The following ANKRD13A variants were observed in gnomAD, a reference collection of about 807,000 sequenced individuals.
ANKRD13A encodes ankyrin repeat domain-containing protein 13A.
ANKRD13A carries 48 observed loss-of-function variants against 81.3 expected under a neutral mutation model. The observed-to-expected ratio is 0.59, with a 90% CI of 0.47 to 0.75. The LOEUF is 0.75. Ranked by LOEUF, ANKRD13A falls within the 30% of genes least tolerant of loss-of-function variation. The pLI is 0.00. For synonymous variants in ANKRD13A, 230 were observed against 270.1 expected, an observed-to-expected ratio of 0.85 and a Z score of 1.45; for missense variants, 612 against 734.0, an observed-to-expected ratio of 0.83 and a Z score of 1.92.
chr12:110,014,745 G>A (rs867309104), intron 3 of ANKRD13A, among the ~76,000 whole-genome samples: 3 of 151,358 alleles, frequency 2.0e-5, no homozygotes, highest in South Asian at 4.2e-4. Flanking sequence ...CCTTGCAAGT[G>A]TGTAGGAATA....
rs779314629 is a variant in ANKRD13A, at chr12:110,036,566, G to A, written c.1577+238G>A. Among the ~76,000 whole-genome samples, 3 of 152,088 alleles carry A rather than the reference G, an allele frequency of 2.0e-5. No individual in the cohort carries two copies. The highest frequency in any genetic ancestry group is 4.4e-5 in the Non-Finnish European group (3 of 68,022). On this transcript the variant is annotated intron_variant, in intron 14 of 14. Transcript: ENST00000261739. The surrounding 1 kb of genome is among the most constrained non-coding windows in gnomAD (Gnocchi z 4.6). ...AGATTGAGACCATCCTGGCTAACAC[G>A]GTGAAACCCTGTCTCTCCTAAAAAA...
At chr12:110,034,201 A>G (rs948815974) in intron 13 of ANKRD13A, among the ~76,000 whole-genome samples, 1 of 152,152 alleles carries the variant, frequency 6.6e-6, no homozygotes, top group African/African-American at 2.4e-5. Context: ...CCTTTTCCTC[A>G]TATTCACGCA....
intron 3 of ANKRD13A, among the ~76,000 whole-genome samples, chr12:110,013,783 T>A (rs557623933): frequency 6.6e-6 from 1 of 151,418 alleles, no homozygotes; most frequent in Non-Finnish European, 1.5e-5. Context: ...GAGCAAGACC[T>A]AAAATAATAA....
At chr12:110,023,759 T>G (rs1216724915) in intron 6 of ANKRD13A, 5 of 311,354 alleles carry the variant, frequency 1.6e-5, no homozygotes, top group Non-Finnish European at 2.4e-5. Flanking sequence ...TGCTGTCCAA[T>G]AAATGTCACC....
Position 110,037,638 on chromosome 12 carries a change from G to A in ANKRD13A, c.*84G>A. The A allele has an allele frequency of 7.1e-7, 1 of 1,410,658 alleles. No homozygotes were observed. The highest frequency in any genetic ancestry group is 1.4e-5 in the African/African-American group (1 of 69,660). The allele number at this position is 1,410,658 out of a possible 1,614,324, so 87.4% of individuals were successfully genotyped here. On this transcript the variant is annotated 3_prime_UTR_variant, in exon 15 of 15. Transcript: ENST00000261739. ...TGTCAACCAGGGCCCTAGGGCTAAG[G>A]GCCTGCACCTTGCGTGCATGCAGCA...
In ANKRD13A at chr12:109,999,813, C is replaced by G. The variant is rs947953319; in HGVS notation, c.96+29C>G. On this transcript the variant is annotated intron_variant, in intron 1 of 14. Coordinates refer to ENST00000261739, the MANE Select transcript of ANKRD13A (RefSeq NM_033121.2). The surrounding 1 kb of genome is among the most constrained non-coding windows in gnomAD (Gnocchi z 4.3). ...AGGGGCGGGGCGGGGGTCCGTCTCC[C>G]GGTGGGGACTTCGGGGAATCGGGGG... The G allele has an allele frequency of 1.3e-6, 2 of 1,500,362 alleles. No individual in the cohort carries two copies. The highest frequency in any genetic ancestry group is 8.9e-7 in the Non-Finnish European group (1 of 1,119,220). 92.9% of individuals were successfully genotyped at this position (1,500,362 alleles called of 1,614,324 possible).
chr12:110,030,626 TTTTTA>T lies in ANKRD13A; in HGVS notation c.1235-14_1235-10del, dbSNP rs1167220958. The T allele has an allele frequency of 6.7e-6, 10 of 1,491,274 alleles. No homozygotes were observed. The highest frequency in any genetic ancestry group is 1.9e-5 in the Admixed American group (1 of 52,092). The allele number at this position is 1,491,274 out of a possible 1,614,324, so 92.4% of individuals were successfully genotyped here. A position where few individuals can be genotyped will look rare whatever the true frequency, so the allele number is the denominator to read the frequency against. On this transcript the variant is annotated splice_polypyrimidine_tract_variant and intron_variant, in intron 11 of 14. Transcript: ENST00000261739. ...TCTCAGTAAAGTTTACTTATAAAAG[TTTTTA>T]TTTTGTTTGTTAGAAATTCCCTTGT...
At position 110,019,258 on chromosome 12, in the gene ANKRD13A, G is replaced by A. The variant is rs749004301; in HGVS notation, c.664G>A (p.Glu222Lys). 1 of 1,614,136 alleles carries A rather than the reference G, an allele frequency of 6.2e-7. No homozygotes were observed. Among genetic ancestry groups the A allele is most frequent in the South Asian group, 1.1e-5 (1 of 91,082 alleles). ...TLDLMKPKSR[E>K]VERRLTSPVI... ...GGACTTGATGAAGCCAAAAAGCAGGGAAGTTGAGCGGCGGCTCACAAGCCC... is the reference window on the plus strand; with the variant it reads ...GGACTTGATGAAGCCAAAAAGCAGGAAAGTTGAGCGGCGGCTCACAAGCCC... Residue 222 changes from glutamate to lysine, a missense_variant, in exon 6 of 15, where the codon GAA (glutamate) becomes AAA (lysine). Coordinates refer to ENST00000261739, the MANE Select transcript of ANKRD13A (RefSeq NM_033121.2).
chr12:110,030,503 G>A, intron 11 of ANKRD13A, 142 bp from the exon 12 acceptor site: 2 of 408,002 alleles, frequency 4.9e-6, no homozygotes, highest in Non-Finnish European at 8.6e-6. Context: ...TTTCCCGTCT[G>A]TGTATTGGGA....
chr12:110,001,710 G>A (rs1413130113), intron 1 of ANKRD13A, among the ~76,000 whole-genome samples: 1 of 151,962 alleles, frequency 6.6e-6, no homozygotes, highest in African/African-American at 2.4e-5. Context: ...ATGAGCCACT[G>A]TTGCCGGCCT....
Position 109,999,745 on chromosome 12 carries a change from A to G in ANKRD13A, c.57A>G (p.Lys19=). The change falls in exon 1 of 15, where the codon AAA becomes AAG. Residue 19 remains lysine (K), a synonymous_variant. Transcript: ENST00000261739. This position sits in a 1 kb window ranked among gnomAD's most constrained non-coding sequence, Gnocchi z 4.3. ...DHYPLHLLVW[K]NDYRQLEKEL... Reference sequence around the variant, plus strand: ...ACCCCCTGCACCTCCTAGTCTGGAAAAACGACTACCGGCAGCTCGAGAAGG... The same window carrying G: ...ACCCCCTGCACCTCCTAGTCTGGAAGAACGACTACCGGCAGCTCGAGAAGG... 1 of 1,535,222 alleles carries G rather than the reference A, an allele frequency of 6.5e-7. No individual in the cohort carries two copies. The highest frequency in any genetic ancestry group is 8.8e-7 in the Non-Finnish European group (1 of 1,139,042).
intron 1 of ANKRD13A, among the ~76,000 whole-genome samples, chr12:110,008,517 A>G (rs1890351109): frequency 6.6e-6 from 1 of 152,128 alleles, no homozygotes; most frequent in African/African-American, 2.4e-5. Flanking sequence ...TGAATTGGAA[A>G]GTTTTCCTTC....
intron 7 of ANKRD13A, among the ~76,000 whole-genome samples, chr12:110,024,543 G>T (rs1055451576): frequency 6.6e-6 from 1 of 152,156 alleles, no homozygotes; most frequent in African/African-American, 2.4e-5. Context: ...CATGACATCA[G>T]TGCATTTAAA....
intron 1 of ANKRD13A, among the ~76,000 whole-genome samples, chr12:110,002,914 G>T (rs1669639006): frequency 6.6e-6 from 1 of 152,186 alleles, no homozygotes; most frequent in Non-Finnish European, 1.5e-5. Flanking sequence ...GCAGGCAGTT[G>T]TGTAACTATG....
At chr12:110,024,205 C>T (rs925791317) in intron 7 of ANKRD13A, 93 bp downstream of exon 7, 2 of 1,068,494 alleles carry the variant, frequency 1.9e-6, no homozygotes, top group Non-Finnish European at 2.7e-6. Context: ...GCATCTGTGC[C>T]ATGGAGATGC....
At chr12:110,028,468 ACAT>A (rs1566060513) in intron 9 of ANKRD13A, 41 bp from the exon 10 acceptor site, 1 of 1,610,034 alleles carries the variant, frequency 6.2e-7, no homozygotes, top group Non-Finnish European at 8.5e-7. Context: ...TCACTTGTGA[ACAT>A]CATTTGGCAT....
chr12:110,016,581 G>C (rs1890815590), intron 4 of ANKRD13A, 148 bp downstream of exon 4: 1 of 716,210 alleles, frequency 1.4e-6, no homozygotes, highest in Admixed American at 3.1e-5. Flanking sequence ...ATCACTGATA[G>C]TCCCAGTTAA....
rs1371614349 is a variant in ANKRD13A at position 110,018,998 on chromosome 12, G to A, written c.545-141G>A. 9 of 801,778 alleles carry A rather than the reference G, an allele frequency of 1.1e-5. No individual in the cohort carries two copies. Among genetic ancestry groups the A allele is most frequent in the Non-Finnish European group, 1.1e-5 (6 of 538,526 alleles). 49.7% of individuals were successfully genotyped at this position (801,778 alleles called of 1,614,324 possible). On this transcript the variant is annotated intron_variant, in intron 5 of 14. Transcript: ENST00000261739. The surrounding 1 kb of genome is among the most constrained non-coding windows in gnomAD (Gnocchi z 4.4). ...ATAATCCCTGTGCAAATAGGTAGTC[G>A]ATAATCAGTACACTGTAGGTTTTAC...
chr12:110,009,758 T>G (rs1449679090), intron 1 of ANKRD13A, among the ~76,000 whole-genome samples: 1 of 152,252 alleles, frequency 6.6e-6, no homozygotes, highest in African/African-American at 2.4e-5. Context: ...GGTGCTCCTC[T>G]GTGGTCCGAA....
Sources: gnomAD v4.1 joint callset for allele counts (sites outside exome capture counted in the v4.1 genomes callset) on GRCh38, gnomAD v4.1.1 for gene constraint, Gnocchi (gnomAD v3.1) non-coding constraint, MANE v1.5 for transcripts, NCBI Gene and HGNC (gene_info 2026-07-23, HGNC 2026-07-21) for gene names.